The following FAM3D variants were observed in gnomAD, a reference collection of about 807,000 sequenced individuals.
FAM3D encodes protein FAM3D.
FAM3D carries 26 observed loss-of-function variants against 29.8 expected under a neutral mutation model. The ratio of observed to expected loss-of-function variants is 0.87; its 90% CI spans 0.64 to 1.21. FAM3D has a LOEUF of 1.21. Among genes scored for constraint, FAM3D ranks in the 50% most tolerant of loss-of-function variants. FAM3D has a pLI of 0.00. For synonymous variants in FAM3D, 115 were observed against 102.3 expected, an observed-to-expected ratio of 1.12 and a Z score of -0.75; for missense variants, 253 against 290.9, an observed-to-expected ratio of 0.87 and a Z score of 0.95.
chr3:58,661,305 TC>T (rs1424986675), intron 1 of FAM3D, among the ~76,000 whole-genome samples: 1 of 152,052 alleles, frequency 6.6e-6, no homozygotes, highest in Non-Finnish European at 1.5e-5. Context: ...GAAGGGAGCC[TC>T]CCATGGGATA....
intron 1 of FAM3D, among the ~76,000 whole-genome samples, chr3:58,663,613 T>C (rs2066973819): frequency 6.6e-6 from 1 of 152,186 alleles, no homozygotes; most frequent in Admixed American, 6.5e-5. Flanking sequence ...CTCCTGAGGT[T>C]TGAACACTTC....
At chr3:58,661,817 C>T (rs1273459937) in intron 1 of FAM3D, among the ~76,000 whole-genome samples, 1 of 152,236 alleles carries the variant, frequency 6.6e-6, no homozygotes, top group African/African-American at 2.4e-5. Context: ...ATCAAGCAGG[C>T]TTTCTTGCCC....
intron 1 of FAM3D, among the ~76,000 whole-genome samples, chr3:58,656,636 G>C (rs917527489): frequency 6.6e-6 from 1 of 152,140 alleles, no homozygotes; most frequent in Admixed American, 6.5e-5. Context: ...CCAGCTCCAA[G>C]GCAGCAGGTA....
intron 5 of FAM3D, among the ~76,000 whole-genome samples, chr3:58,644,187 CCT>C (rs924634381): frequency 6.6e-6 from 1 of 152,144 alleles, no homozygotes; most frequent in African/African-American, 2.4e-5. Context: ...CTGGGATTGA[CCT>C]CTCTCTCCCA....
chr3:58,638,475 A>T (rs1210720806), intron 7 of FAM3D, among the ~76,000 whole-genome samples: 1 of 152,234 alleles, frequency 6.6e-6, no homozygotes, highest in Non-Finnish European at 1.5e-5. Flanking sequence ...CAAATGTGAC[A>T]ATAACTTTGG....
rs779173236 is a variant in FAM3D, at chr3:58,636,983, A to G, written c.458+158T>C. 2.6e-5 allele frequency among the ~76,000 whole-genome samples: 4 copies of G among 152,306 alleles called. No individual in the cohort carries two copies. In the South Asian group the frequency reaches 8.3e-4, roughly 32 times the overall value. On this transcript the variant is annotated intron_variant, in intron 8 of 9. Transcript: ENST00000358781. ...CACTGTGGTAATGAAGGCTGTGATG[A>G]ACCTCCTAGAACATTTCTTTGCATA...
intron 1 of FAM3D, among the ~76,000 whole-genome samples, chr3:58,663,949 GCC>G: frequency 1.3e-5 from 2 of 152,302 alleles, no homozygotes; most frequent in Middle Eastern, 6.8e-3. Flanking sequence ...GTGGAATGTG[GCC>G]TCCTTTGTGA....
intron 1 of FAM3D, among the ~76,000 whole-genome samples, chr3:58,656,671 T>C: frequency 6.6e-6 from 1 of 152,156 alleles, no homozygotes; most frequent in South Asian, 2.1e-4. Context: ...TGATGACCTC[T>C]CCCACAACTC....
chr3:58,636,021 A>G (rs2066156434), intron 9 of FAM3D, among the ~76,000 whole-genome samples: 1 of 152,068 alleles, frequency 6.6e-6, no homozygotes, highest in Non-Finnish European at 1.5e-5. Flanking sequence ...TCACTTGCCC[A>G]TCATCCTTCT....
chr3:58,645,682 A>G lies in FAM3D; in HGVS notation c.146-56T>C, dbSNP rs2066458466. 3 of 1,481,314 alleles carry G rather than the reference A, an allele frequency of 2.0e-6. No individual in the cohort carries two copies. In the Admixed American group the frequency reaches 5.0e-5, roughly 25 times the overall value. The allele number at this position is 1,481,314 out of a possible 1,614,324, so 91.8% of individuals were successfully genotyped here. A position where few individuals can be genotyped will look rare whatever the true frequency, so the allele number is the denominator to read the frequency against. ...CAGAAGCTCAGGAGGTACTTGGGGG[A>G]GAAGGAGGGGAGGGCCAGGGCTAGG... On this transcript the variant is annotated intron_variant, in intron 4 of 9. Coordinates refer to ENST00000358781, the MANE Select transcript of FAM3D (RefSeq NM_138805.3).
intron 8 of FAM3D, 25 bp downstream of exon 8, chr3:58,637,116 C>T (rs1219717815): frequency 1.2e-6 from 2 of 1,604,200 alleles, no homozygotes; most frequent in African/African-American, 2.7e-5. Flanking sequence ...ACTGTGTGGC[C>T]TGGCAGGTAG....
intron 1 of FAM3D, among the ~76,000 whole-genome samples, chr3:58,664,089 C>A (rs56111036): frequency 0.8 from 121,072 of 151,686 alleles, 49,683 homozygotes; most frequent in Non-Finnish European, 0.9. Flanking sequence ...CATAAAGCTT[C>A]TCTCTACCGT....
chr3:58,663,970 T>A (rs571531955), intron 1 of FAM3D, among the ~76,000 whole-genome samples: 1 of 152,360 alleles, frequency 6.6e-6, no homozygotes, highest in African/African-American at 2.4e-5. Flanking sequence ...GAGGTCCCCC[T>A]TCTGCAGCCT....
chr3:58,646,023 C>A (rs1380629694), intron 4 of FAM3D, among the ~76,000 whole-genome samples: 2 of 152,282 alleles, frequency 1.3e-5, no homozygotes, highest in East Asian at 1.9e-4. Context: ...GGGACCCTGG[C>A]GGGGTGAGTG....
chr3:58,666,251 G>A (rs374222232), intron 1 of FAM3D, among the ~76,000 whole-genome samples: 1 of 152,180 alleles, frequency 6.6e-6, no homozygotes, highest in East Asian at 1.9e-4. Flanking sequence ...TAGCTGGCAT[G>A]CCCTACAGCT....
At chr3:58,659,865 A>G (rs2066898883) in intron 1 of FAM3D, among the ~76,000 whole-genome samples, 1 of 152,198 alleles carries the variant, frequency 6.6e-6, no homozygotes, top group Non-Finnish European at 1.5e-5. Flanking sequence ...CTCAGACTCT[A>G]GGACCTAACT....
chr3:58,653,902 G>A, intron 2 of FAM3D, 121 bp from the exon 3 acceptor site: 2 of 763,382 alleles, frequency 2.6e-6, no homozygotes, highest in Non-Finnish European at 4.6e-6. Context: ...CATCCATGCT[G>A]GGGACCAGAC....
intron 8 of FAM3D, 132 bp from the exon 9 acceptor site, chr3:58,636,552 G>A (rs906415862): frequency 4.0e-5 from 53 of 1,309,572 alleles, no homozygotes; most frequent in Middle Eastern, 5.0e-4. Context: ...TCCAGAGAAC[G>A]TGGCTGCACT....
At position 58,640,185 on chromosome 3, in the gene FAM3D, T is replaced by C. The variant is rs1471202225; in HGVS notation, c.323-8A>G. ...GCACAGCTCCCGTGGTTCCTAGGGGTTAAGAGGAGAACGATTATCCCCTGT... is the reference window on the plus strand; with the variant it reads ...GCACAGCTCCCGTGGTTCCTAGGGGCTAAGAGGAGAACGATTATCCCCTGT... On this transcript the variant is annotated splice_region_variant and splice_polypyrimidine_tract_variant and intron_variant, in intron 6 of 9. Coordinates refer to ENST00000358781, the MANE Select transcript of FAM3D (RefSeq NM_138805.3). 6.2e-7 allele frequency: 1 copy of C among 1,613,890 alleles called. No individual in the cohort carries two copies. The highest frequency in any genetic ancestry group is 1.3e-5 in the African/African-American group (1 of 74,868).
Sources: allele counts gnomAD v4.1 joint callset (sites outside exome capture counted in the v4.1 genomes callset), GRCh38; gene constraint gnomAD v4.1.1; transcripts MANE v1.5; gene names NCBI Gene and HGNC (gene_info 2026-07-23, HGNC 2026-07-21).